The following MACF1 variants were observed in gnomAD, a reference collection of about 807,000 sequenced individuals.
MACF1 encodes microtubule-actin cross-linking factor 1.
MACF1 carries 193 observed loss-of-function variants against 854.8 expected under a neutral mutation model. The ratio of observed to expected loss-of-function variants is 0.23; its 90% confidence interval spans 0.20 to 0.25. The LOEUF (loss-of-function observed/expected upper bound fraction) is 0.25. Ranked by LOEUF, MACF1 falls within the 10% of genes least tolerant of loss-of-function variation. MACF1 has a pLI of 1.00. For missense variants in MACF1, 7,722 were observed against 8,929.1 expected, an observed-to-expected ratio of 0.86 and a Z score of 5.45; for synonymous variants, 3,185 against 3,226.7, an observed-to-expected ratio of 0.99 and a Z score of 0.44.
chr1:39,382,218 A>G (rs932079376), intron 56 of MACF1, 66 bp downstream of exon 56: 1 of 1,439,816 alleles, frequency 6.9e-7, no homozygotes, highest in African/African-American at 1.4e-5. Flanking sequence ...TCTCCCAGTA[A>G]GTAGATTTCA....
Position 39,387,695 on chromosome 1 carries a change from G to T in MACF1, c.14853G>T (p.Glu4951Asp), listed in dbSNP as rs1327800483. 1 of 1,614,154 alleles carries T rather than the reference G, an allele frequency of 6.2e-7. No individual in the cohort carries two copies. The highest frequency in any genetic ancestry group is 8.5e-7 in the Non-Finnish European group (1 of 1,180,034). Reference sequence around the variant, plus strand: ...TAAGATCAAAGGCTATGCTGAATGAGGTGGAGAAGCGCCGCTCCCTGCTGG... The same window carrying T: ...TAAGATCAAAGGCTATGCTGAATGATGTGGAGAAGCGCCGCTCCCTGCTGG... ...SLLRSKAMLN[E>D]VEKRRSLLEI... is the part of the protein sequence containing the mutation. The change falls in exon 58 of 101, where the codon GAG (glutamate) becomes GAT (aspartate). Residue 4951 changes from glutamate (E) to aspartate (D), a missense_variant. Around this residue, in one of 15 missense-constraint regions of MACF1, gnomAD observed 2,807 missense variants for 3,235.8 expected, o/e 0.87. Transcript: ENST00000564288.
intron 41 of MACF1, among the ~76,000 whole-genome samples, chr1:39,348,812 C>G (rs1270107513): frequency 6.6e-6 from 1 of 152,120 alleles, no homozygotes; most frequent in Non-Finnish European, 1.5e-5. Context: ...AACATATTCC[C>G]TCTCTCTCCT....
At chr1:39,306,686 C>T (rs1041264440) in intron 23 of MACF1, among the ~76,000 whole-genome samples, 1 of 150,254 alleles carries the variant, frequency 6.7e-6, no homozygotes, top group African/African-American at 2.5e-5. Context: ...GATACGTGGA[C>T]CCACTAATTA....
intron 20 of MACF1, 22 bp downstream of exon 20, chr1:39,295,904 G>C: frequency 6.6e-7 from 1 of 1,522,040 alleles, no homozygotes; most frequent in Non-Finnish European, 9.0e-7. Flanking sequence ...TTCTGTGTTT[G>C]TGTGTGTGTG....
chr1:39,104,130 G>A (rs528258546), intron 2 of MACF1, among the ~76,000 whole-genome samples: 2 of 152,176 alleles, frequency 1.3e-5, no homozygotes, highest in Non-Finnish European at 2.9e-5. Flanking sequence ...AGATCAGCCA[G>A]TGTAACTTCT....
chr1:39,181,373 C>T (rs546757663), intron 2 of MACF1, among the ~76,000 whole-genome samples: 3 of 152,298 alleles, frequency 2.0e-5, no homozygotes, highest in African/African-American at 7.2e-5. Flanking sequence ...TACGTTCATG[C>T]ATTGGAAGAC....
chr1:39,172,798 T>G (rs146058694), intron 2 of MACF1, among the ~76,000 whole-genome samples: 34 of 152,322 alleles, frequency 2.2e-4, no homozygotes, highest in African/African-American at 7.7e-4. Context: ...GAGACTTTAT[T>G]ATAGTAACGT....
intron 2 of MACF1, among the ~76,000 whole-genome samples, chr1:39,091,588 C>G (rs751012694): frequency 1.3e-5 from 2 of 152,128 alleles, no homozygotes; most frequent in Non-Finnish European, 2.9e-5. Context: ...CTCCACCTCC[C>G]AAATTCAAGC....
At chr1:39,164,960 A>G (rs1643868596) in intron 2 of MACF1, among the ~76,000 whole-genome samples, 1 of 152,204 alleles carries the variant, frequency 6.6e-6, no homozygotes, top group Admixed American at 6.5e-5. Context: ...GTAGAATTAT[A>G]GACTTGATGA....
intron 28 of MACF1, 80 bp downstream of exon 28, chr1:39,316,609 G>T (rs766477161): frequency 5.5e-5 from 77 of 1,387,810 alleles, no homozygotes; most frequent in Non-Finnish European, 7.2e-5. Context: ...AATTTTGGAT[G>T]GCATGACACT....
intron 42 of MACF1, among the ~76,000 whole-genome samples, chr1:39,350,008 C>T (rs1647143075): frequency 6.6e-6 from 1 of 152,114 alleles, no homozygotes; most frequent in African/African-American, 2.4e-5. Context: ...CATCCCTGGC[C>T]TTGTGAAGCA....
At chr1:39,106,646 C>T (rs1157648876) in intron 2 of MACF1, among the ~76,000 whole-genome samples, 1 of 152,102 alleles carries the variant, frequency 6.6e-6, no homozygotes, top group Non-Finnish European at 1.5e-5. Flanking sequence ...CCATTTTATT[C>T]AGCTCGGGCC....
chr1:39,204,916 T>C lies in MACF1; in HGVS notation c.-107T>C. The C allele has an allele frequency of 1.5e-6, 1 of 646,620 alleles. No homozygotes were observed. The highest frequency in any genetic ancestry group is 2.8e-6 in the Non-Finnish European group (1 of 359,228). 40.1% of individuals were successfully genotyped at this position (646,620 alleles called of 1,614,324 possible). A position where few individuals can be genotyped will look rare whatever the true frequency, so the allele number is the denominator to read the frequency against. On this transcript the variant is annotated 5_prime_UTR_variant, in exon 1 of 101. Transcript: ENST00000564288. ...TCTGACAACACTAAGCTCCGGCCTC[T>C]GCCTCTGCTGATAGTACAGGACAAC...
Position 39,336,292 on chromosome 1 carries a change from C to G in MACF1, c.9704C>G (p.Thr3235Ser). The G allele has an allele frequency of 6.2e-7, 1 of 1,614,136 alleles. No individual in the cohort carries two copies. Among genetic ancestry groups the G allele is most frequent in the Non-Finnish European group, 8.5e-7 (1 of 1,180,020 alleles). Residue 3235 changes from threonine to serine, a missense_variant, in exon 37 of 101, where the codon ACT becomes AGT. Thr to Ser is a moderately conservative substitution (Grantham distance 58, BLOSUM62 1). Coordinates refer to ENST00000564288, the MANE Select transcript of MACF1 (RefSeq NM_001394062.1). ...TCTGAAATAGCAACACAGGAACTAA[C>G]TGGAGAGAAATTTCTAGAAATGGCA... ...LKSEIATQEL[T>S]GEKFLEMANP... is the part of the protein sequence containing the mutation.
chr1:39,428,377 T>C, intron 63 of MACF1, 90 bp downstream of exon 63: 6 of 1,234,778 alleles, frequency 4.9e-6, no homozygotes, highest in Non-Finnish European at 6.7e-6. Context: ...TTTTTCTTCA[T>C]TACAAACACT....
chr1:39,191,310 T>G (rs114883106), intron 2 of MACF1, among the ~76,000 whole-genome samples: 45 of 152,200 alleles, frequency 3.0e-4, no homozygotes, highest in Non-Finnish European at 5.4e-4. Flanking sequence ...TAAGATAGCT[T>G]TGAAGTAAAT....
chr1:39,170,400 A>G (rs921710307), intron 2 of MACF1, among the ~76,000 whole-genome samples: 2 of 152,196 alleles, frequency 1.3e-5, no homozygotes, highest in Admixed American at 6.5e-5. Context: ...TCATTCGACA[A>G]ATGTGTATGA....
rs369766662 is a variant in MACF1 at position 39,387,341 on chromosome 1, A to G, written c.14499A>G (p.Leu4833=). The G allele has an allele frequency of 9.9e-6, 16 of 1,614,206 alleles. No homozygotes were observed. Among genetic ancestry groups the G allele is most frequent in the African/African-American group, 4.0e-5 (3 of 75,034 alleles). The change falls in exon 58 of 101, where the codon CTA becomes CTG. Residue 4833 remains leucine (L), a synonymous_variant. Transcript: ENST00000564288. ...SAKLERLQSQ[L]QENEEFQKSL... ...AATTGGAGCGGCTACAGTCTCAGCT[A>G]CAGGAGAATGAAGAGTTTCAGAAAA...
chr1:39,131,210 C>T (rs1300333903), intron 2 of MACF1, among the ~76,000 whole-genome samples: 2 of 125,218 alleles, frequency 1.6e-5, no homozygotes, highest in East Asian at 2.6e-4. Flanking sequence ...TTCACCCAGG[C>T]TGGGGTGCAG....
Sources: gnomAD v4.1 joint callset for allele counts (sites outside exome capture counted in the v4.1 genomes callset) on GRCh38, gnomAD v4.1.1 for gene constraint, gnomAD v4.1.1 regional missense constraint, MANE v1.5 for transcripts, NCBI Gene and HGNC (gene_info 2026-07-23, HGNC 2026-07-21) for gene names.